PTGER4: variants seen among roughly 807,000 people sequenced by gnomAD.
PTGER4 encodes prostaglandin E2 receptor EP4 subtype.
Under a neutral mutation model 33.2 loss-of-function variants are expected in PTGER4, and 11 were observed. The observed-to-expected ratio is 0.33, with a 90% CI of 0.21 to 0.55. PTGER4 has a LOEUF of 0.55. Among genes scored for constraint, PTGER4 ranks in the 20% least tolerant of loss-of-function variants. The pLI is 0.92. For missense variants in PTGER4, 481 were observed against 650.2 expected, an observed-to-expected ratio of 0.74 and a Z score of 2.83; for synonymous variants, 275 against 281.5, an observed-to-expected ratio of 0.98 and a Z score of 0.23.
the PTGER4 span, among the ~76,000 whole-genome samples, chr5:40,736,804 C>T: frequency 1.3e-5 from 2 of 152,014 alleles, no homozygotes; most frequent in Admixed American, 1.3e-4. Flanking sequence ...AATAACTACC[C>T]AAAGTTTATG....
chr5:40,703,033 T>C, the PTGER4 span, among the ~76,000 whole-genome samples: 1 of 152,216 alleles, frequency 6.6e-6, no homozygotes, highest in African/African-American at 2.4e-5. Flanking sequence ...GGGAAATTCA[T>C]AGCACTAAAT....
chr5:40,703,218 T>C, the PTGER4 span, among the ~76,000 whole-genome samples: 1 of 85,444 alleles, frequency 1.2e-5, no homozygotes, highest in East Asian at 5.0e-4. Context: ...GGGTTGGTTT[T>C]TTGCAAAAAA....
downstream of PTGER4, among the ~76,000 whole-genome samples, chr5:40,694,695 T>TCC (rs1561133073): frequency 7.2e-5 from 11 of 152,104 alleles, no homozygotes; most frequent in African/African-American, 2.4e-4. Flanking sequence ...TTAATTACTC[T>TCC]CTTAAAGGCC....
At chr5:40,723,795 G>A in the PTGER4 span, among the ~76,000 whole-genome samples, 1 of 151,642 alleles carries the variant, frequency 6.6e-6, no homozygotes, top group Non-Finnish European at 1.5e-5. Flanking sequence ...AACCCGGGAG[G>A]CAGAGGTTAC....
downstream of PTGER4, among the ~76,000 whole-genome samples, chr5:40,698,236 C>T (rs1301376666): frequency 6.6e-6 from 1 of 151,660 alleles, no homozygotes; most frequent in East Asian, 1.9e-4. Context: ...TAAGATGGTG[C>T]CACTGGACAC....
chr5:40,740,470 A>C, the PTGER4 span, among the ~76,000 whole-genome samples: 3 of 152,000 alleles, frequency 2.0e-5, no homozygotes, highest in Admixed American at 2.0e-4. Context: ...ATGTCATTCC[A>C]TTATCTTGCA....
chr5:40,688,300 T>G (rs1465686625), intron 2 of PTGER4, among the ~76,000 whole-genome samples: 1 of 152,100 alleles, frequency 6.6e-6, no homozygotes, highest in African/African-American at 2.4e-5. Context: ...AGGGAGGTAG[T>G]ATCAGAAACT....
At chr5:40,700,265 C>G in the PTGER4 span, among the ~76,000 whole-genome samples, 1 of 152,194 alleles carries the variant, frequency 6.6e-6, no homozygotes, top group Admixed American at 6.5e-5. Context: ...AACTAAAAAG[C>G]AGGTCCACAA....
the PTGER4 span, among the ~76,000 whole-genome samples, chr5:40,704,893 T>A: frequency 1.3e-5 from 2 of 152,174 alleles, no homozygotes; most frequent in East Asian, 3.8e-4. Context: ...AAAATGGCTA[T>A]ACTACCCAAA....
the PTGER4 span, among the ~76,000 whole-genome samples, chr5:40,718,016 C>T: frequency 6.7e-6 from 1 of 150,140 alleles, no homozygotes; most frequent in African/African-American, 2.5e-5. Flanking sequence ...GAGCCAAGAT[C>T]GCACAATTAT....
the PTGER4 span, among the ~76,000 whole-genome samples, chr5:40,705,817 AAAT>A: frequency 6.6e-6 from 1 of 152,200 alleles, no homozygotes; most frequent in Non-Finnish European, 1.5e-5. Flanking sequence ...GAAAGTCAAA[AAAT>A]AACAGATGCT....
the PTGER4 span, among the ~76,000 whole-genome samples, chr5:40,698,741 T>C: frequency 6.6e-6 from 1 of 152,178 alleles, no homozygotes; most frequent in Non-Finnish European, 1.5e-5. Flanking sequence ...GGGAGACAAC[T>C]AATTATTTTG....
chr5:40,739,853 T>C, the PTGER4 span, among the ~76,000 whole-genome samples: 1 of 152,232 alleles, frequency 6.6e-6, no homozygotes, highest in Non-Finnish European at 1.5e-5. Flanking sequence ...CAGCATTTTG[T>C]AGTTTTCATA....
chr5:40,682,022 T>A (rs1354816892), intron 2 of PTGER4, among the ~76,000 whole-genome samples, 162 bp downstream of exon 2: 1 of 151,892 alleles, frequency 6.6e-6, no homozygotes, highest in Non-Finnish European at 1.5e-5. Flanking sequence ...GGCCCAACCC[T>A]CTTTGAAGTC....
chr5:40,716,182 G>A, the PTGER4 span: 1 of 1,613,656 alleles, frequency 6.2e-7, no homozygotes. Context: ...ATCTGGTGGT[G>A]TAGCACCATC....
chr5:40,719,632 C>T, the PTGER4 span, among the ~76,000 whole-genome samples: 12 of 152,178 alleles, frequency 7.9e-5, no homozygotes, highest in South Asian at 2.1e-4. Flanking sequence ...AGACTGTTTT[C>T]CAAAATGGCT....
chr5:40,722,835 C>T, the PTGER4 span, among the ~76,000 whole-genome samples: 5 of 151,382 alleles, frequency 3.3e-5, no homozygotes, highest in African/African-American at 7.3e-5. Context: ...AGCCCCCACC[C>T]GGCCAGCTGC....
intron 2 of PTGER4, among the ~76,000 whole-genome samples, chr5:40,684,595 A>G (rs776964358): frequency 6.6e-6 from 1 of 152,196 alleles, no homozygotes; most frequent in Non-Finnish European, 1.5e-5. Flanking sequence ...TCCAAAATAT[A>G]CATATTTCAT....
the PTGER4 span, among the ~76,000 whole-genome samples, chr5:40,721,193 T>C: frequency 4.1e-3 from 621 of 152,234 alleles, 4 homozygotes; most frequent in African/African-American, 0.014. Flanking sequence ...CTGATGGAAT[T>C]TGGCAAAATC....
Sources: allele counts gnomAD v4.1 joint callset (sites outside exome capture counted in the v4.1 genomes callset), GRCh38; gene constraint gnomAD v4.1.1; transcripts MANE v1.5; gene names NCBI Gene and HGNC (gene_info 2026-07-23, HGNC 2026-07-21).